MYO1B: variants seen among roughly 807,000 people sequenced by gnomAD.
MYO1B encodes unconventional myosin-Ib.
In MYO1B, 72 loss-of-function variants were observed where a neutral mutation model predicts 159.7. The ratio of observed to expected loss-of-function variants is 0.45; its 90% CI spans 0.37 to 0.55. The LOEUF is 0.55. Ranked by LOEUF, MYO1B falls within the 20% of genes least tolerant of loss-of-function variation. The pLI is 0.00. For synonymous variants in MYO1B, 468 were observed against 473.8 expected (o/e 0.99, Z 0.16); for missense variants, 1,062 against 1,364.8 (o/e 0.78, Z 3.50).
intron 6 of MYO1B, among the ~76,000 whole-genome samples, 188 bp from the exon 7 acceptor site, chr2:191,349,974 T>C (rs1692806832): frequency 2.0e-5 from 3 of 152,188 alleles, no homozygotes; most frequent in African/African-American, 7.2e-5. Context: ...TTTGAACTAA[T>C]GGGGTATTTA....
intron 13 of MYO1B, among the ~76,000 whole-genome samples, chr2:191,378,939 A>T (rs1173943526): frequency 6.6e-6 from 1 of 152,194 alleles, no homozygotes; most frequent in Admixed American, 6.5e-5. Flanking sequence ...CTGATAATTT[A>T]TAATTAGAAG....
At chr2:191,247,028 C>A (rs1003086359) in intron 1 of MYO1B, among the ~76,000 whole-genome samples, 2 of 152,084 alleles carry the variant, frequency 1.3e-5, no homozygotes, top group Non-Finnish European at 2.9e-5. Flanking sequence ...ATTGGCTGAC[C>A]TAGGGAGGGA....
At chr2:191,377,716 A>G (rs1017021892) in intron 13 of MYO1B, 4 of 152,208 alleles carry the variant, frequency 2.6e-5, no homozygotes, top group East Asian at 3.8e-4. Flanking sequence ...CTGCCAGGCT[A>G]TTCCTTAATT....
intron 15 of MYO1B, among the ~76,000 whole-genome samples, chr2:191,385,051 T>C (rs1695320716): frequency 6.6e-6 from 1 of 152,060 alleles, no homozygotes; most frequent in South Asian, 2.1e-4. Context: ...TGGGTGGAAG[T>C]AGGTGGGGTT....
At chr2:191,276,691 G>T (rs545664568) in intron 1 of MYO1B, among the ~76,000 whole-genome samples, 196 bp from the exon 2 acceptor site, 1 of 152,304 alleles carries the variant, frequency 6.6e-6, no homozygotes, top group East Asian at 1.9e-4. Flanking sequence ...ATTTGTGGCA[G>T]CAGGTTGGCA....
At chr2:191,423,756 C>A in intron 30 of MYO1B, 81 bp from the exon 31 acceptor site, 1 of 1,461,092 alleles carries the variant, frequency 6.8e-7, no homozygotes, top group South Asian at 1.4e-5. Context: ...GATCAGTATC[C>A]ATTAAAATAC....
intron 2 of MYO1B, among the ~76,000 whole-genome samples, chr2:191,290,633 A>G (rs1688635783): frequency 6.6e-6 from 1 of 152,232 alleles, no homozygotes; most frequent in Non-Finnish European, 1.5e-5. Context: ...ATACATACAC[A>G]TACCTGGTTG....
rs760053053 is a variant in MYO1B, at chr2:191,393,103, C to T, written c.2107C>T (p.Arg703Cys). Residue 703 changes from arginine (R) to cysteine (C), a missense_variant, in exon 20 of 31, where the codon CGC becomes TGC. Arg to Cys is a radical substitution (Grantham distance 180). Around this residue, in one of 5 missense-constraint regions of MYO1B, gnomAD observed 609 missense variants for 744.4 expected, o/e 0.82. Coordinates refer to ENST00000392318, the MANE Select transcript of MYO1B (RefSeq NM_001130158.3). ...LFKLEDLRKQ[R>C]LEDLATLIQK... ...CAAATTAGAAGACCTGAGGAAGCAACGCCTGGAGGACTTGGCCACTCTCAT... is the reference window on the plus strand; with the variant it reads ...CAAATTAGAAGACCTGAGGAAGCAATGCCTGGAGGACTTGGCCACTCTCAT... The T allele has an allele frequency of 2.4e-5, 39 of 1,613,478 alleles. No homozygotes were observed. The East Asian group carries it at 3.1e-4, about 13-fold the overall frequency.
At chr2:191,277,202 G>A (rs1687807136) in intron 2 of MYO1B, among the ~76,000 whole-genome samples, 172 bp downstream of exon 2, 1 of 152,176 alleles carries the variant, frequency 6.6e-6, no homozygotes, top group African/African-American at 2.4e-5. Flanking sequence ...CATGAGTAAT[G>A]TGGGTTAGAC....
chr2:191,300,315 A>C (rs1689235095), intron 3 of MYO1B, among the ~76,000 whole-genome samples: 2 of 150,764 alleles, frequency 1.3e-5, no homozygotes, highest in Non-Finnish European at 1.5e-5. Flanking sequence ...CTTACCCAAT[A>C]TTACATTTGA....
At chr2:191,276,565 T>G (rs1435610032) in intron 1 of MYO1B, among the ~76,000 whole-genome samples, 1 of 151,892 alleles carries the variant, frequency 6.6e-6, no homozygotes, top group African/African-American at 2.4e-5. Context: ...GTGGGTTAGG[T>G]TTTTTTTCCT....
At chr2:191,406,677 A>G (rs10804040) in intron 24 of MYO1B, among the ~76,000 whole-genome samples, 119,475 of 152,146 alleles carry the variant, frequency 0.79, 52,508 homozygotes, top group Non-Finnish European at 0.98. Context: ...TACAGATAGA[A>G]AAATAATGAA....
At chr2:191,287,899 A>T (rs1688474585) in intron 2 of MYO1B, among the ~76,000 whole-genome samples, 1 of 148,568 alleles carries the variant, frequency 6.7e-6, no homozygotes, top group Non-Finnish European at 1.5e-5. Context: ...TTTAGCAAGA[A>T]TTTTTTATTC....
At chr2:191,357,881 A>G (rs1210610825) in intron 7 of MYO1B, among the ~76,000 whole-genome samples, 1 of 152,338 alleles carries the variant, frequency 6.6e-6, no homozygotes, top group East Asian at 1.9e-4. Flanking sequence ...TTTGGGGGCA[A>G]ACATTTTCCC....
chr2:191,400,756 G>C lies in MYO1B; in HGVS notation c.2390G>C (p.Arg797Thr), dbSNP rs368045484. 30 of 1,613,888 alleles carry C rather than the reference G, an allele frequency of 1.9e-5. No homozygotes were observed. In the African/African-American group the frequency reaches 4.0e-4, roughly 22 times the overall value. Residue 797 changes from arginine (R) to threonine (T), a missense_variant, in exon 23 of 31, where the codon AGG (arginine) becomes ACG (threonine). Arg to Thr is a moderately conservative substitution (Grantham distance 71). This residue lies in a region of MYO1B where 609 missense variants were observed against 744.4 expected (regional missense o/e 0.82). Transcript: ENST00000392318. ...TTTTCAAATGCATCACAGGCACGAA[G>C]GGAACTGAGACGGCTGAAGGAGGAG... Reference protein sequence around the residue: ...AAYWHGTQARRELRRLKEEAR... With the variant: ...AAYWHGTQARTELRRLKEEAR...
chr2:191,277,908 A>G (rs1687842162), intron 2 of MYO1B, among the ~76,000 whole-genome samples: 1 of 152,200 alleles, frequency 6.6e-6, no homozygotes, highest in Non-Finnish European at 1.5e-5. Context: ...GGCATGCTTA[A>G]TATTTTTCTG....
At chr2:191,252,307 G>A (rs552732928) in intron 1 of MYO1B, among the ~76,000 whole-genome samples, 6 of 152,174 alleles carry the variant, frequency 3.9e-5, no homozygotes, top group Non-Finnish European at 5.9e-5. Flanking sequence ...GAACTGCCAC[G>A]TTGGTCAGGT....
rs1276103009 is a variant in MYO1B at position 191,400,747 on chromosome 2, A to G, written c.2383-2A>G. 6.2e-7 allele frequency: 1 copy of G among 1,613,740 alleles called. No homozygotes were observed. The highest frequency in any genetic ancestry group is 2.2e-5 in the East Asian group (1 of 44,886). ...TGTAACTCCTTTTCAAATGCATCAC[A>G]GGCACGAAGGGAACTGAGACGGCTG... On this transcript the variant is annotated splice_acceptor_variant, in intron 22 of 30. Coordinates refer to ENST00000392318, the MANE Select transcript of MYO1B (RefSeq NM_001130158.3). LOFTEE classifies it high-confidence loss of function.
chr2:191,416,796 A>G (rs977419151), intron 30 of MYO1B, among the ~76,000 whole-genome samples: 4 of 151,986 alleles, frequency 2.6e-5, no homozygotes, highest in Non-Finnish European at 5.9e-5. Context: ...CCTGGGTGAC[A>G]GTGTGAGACT....
Sources: allele counts gnomAD v4.1 joint callset (sites outside exome capture counted in the v4.1 genomes callset), GRCh38; gene constraint gnomAD v4.1.1; regional missense constraint gnomAD v4.1.1; transcripts MANE v1.5; gene names NCBI Gene and HGNC (gene_info 2026-07-23, HGNC 2026-07-21).